The following SNTG2 variants were observed in gnomAD, a reference collection of about 807,000 sequenced individuals.
The protein encoded by SNTG2 is syntrophin gamma 2.
Under a neutral mutation model 70.9 loss-of-function variants are expected in SNTG2, and 74 were observed. The observed-to-expected ratio is 1.04, with a 90% CI of 0.86 to 1.27. The LOEUF is 1.27. SNTG2 is among the 50% of genes most tolerant of loss of function. SNTG2 has a pLI of 0.00. For synonymous variants in SNTG2, 278 were observed against 273.8 expected (o/e 1.02, Z -0.15); for missense variants, 717 against 690.7 (o/e 1.04, Z -0.43).
intron 4 of SNTG2, among the ~76,000 whole-genome samples, chr2:1,129,114 A>C (rs565380458): frequency 5.3e-5 from 8 of 152,310 alleles, no homozygotes; most frequent in African/African-American, 1.9e-4. Context: ...AAGTACCAAA[A>C]GTGAGATGAG....
intron 1 of SNTG2, among the ~76,000 whole-genome samples, chr2:1,004,456 G>C (rs567366174): frequency 6.6e-6 from 1 of 152,318 alleles, no homozygotes; most frequent in South Asian, 2.1e-4. Flanking sequence ...GATATACAAA[G>C]AACTAAAACT....
At chr2:1,238,249 C>T (rs898682776) in intron 10 of SNTG2, among the ~76,000 whole-genome samples, 1 of 152,010 alleles carries the variant, frequency 6.6e-6, no homozygotes, top group African/African-American at 2.4e-5. Context: ...GTTTTGTCTT[C>T]CTCCTCCCCT....
At chr2:1,193,190 A>C (rs775418886) in intron 8 of SNTG2, among the ~76,000 whole-genome samples, 3 of 152,198 alleles carry the variant, frequency 2.0e-5, no homozygotes, top group Non-Finnish European at 4.4e-5. Flanking sequence ...TCTGTTTCAA[A>C]GTTGCTCCTT....
At chr2:1,224,223 C>A (rs535370143) in intron 9 of SNTG2, among the ~76,000 whole-genome samples, 1 of 152,306 alleles carries the variant, frequency 6.6e-6, no homozygotes, top group East Asian at 1.9e-4. Flanking sequence ...GTTTGGGGAG[C>A]CACGTTCAAT....
At chr2:1,315,116 GT>G (rs1681211673) in intron 15 of SNTG2, among the ~76,000 whole-genome samples, 1 of 152,226 alleles carries the variant, frequency 6.6e-6, no homozygotes, top group South Asian at 2.1e-4. Flanking sequence ...GTCTGTCCAG[GT>G]GGGTGTGGGC....
At chr2:1,093,948 G>A (rs111451872) in intron 2 of SNTG2, among the ~76,000 whole-genome samples, 72 of 61,658 alleles carry the variant, frequency 1.2e-3, no homozygotes, top group Non-Finnish European at 2.2e-3. Context: ...GTCCTCATAT[G>A]GTAGAGTTAC....
intron 4 of SNTG2, among the ~76,000 whole-genome samples, chr2:1,133,329 A>G (rs1234274701): frequency 6.6e-6 from 1 of 152,256 alleles, no homozygotes; most frequent in Non-Finnish European, 1.5e-5. Flanking sequence ...AATTTTCAAG[A>G]AAACACAATT....
At chr2:1,077,204 C>G (rs1339294036) in intron 1 of SNTG2, among the ~76,000 whole-genome samples, 2 of 152,138 alleles carry the variant, frequency 1.3e-5, no homozygotes, top group African/African-American at 2.4e-5. Flanking sequence ...AGTAAAAATG[C>G]CACATTAAAA....
At chr2:1,180,473 A>C (rs1383908641) in intron 8 of SNTG2, among the ~76,000 whole-genome samples, 1 of 133,210 alleles carries the variant, frequency 7.5e-6, no homozygotes, top group Non-Finnish European at 1.6e-5. Flanking sequence ...AAAAATGCTC[A>C]TCATCACTGG....
intron 12 of SNTG2, among the ~76,000 whole-genome samples, chr2:1,250,098 C>G (rs1348031482): frequency 1.3e-5 from 2 of 152,186 alleles, no homozygotes; most frequent in Non-Finnish European, 2.9e-5. Flanking sequence ...ATCGCAGACT[C>G]CTCATTCACG....
At chr2:1,072,213 G>T (rs932718604) in intron 1 of SNTG2, among the ~76,000 whole-genome samples, 1 of 147,684 alleles carries the variant, frequency 6.8e-6, no homozygotes, top group Non-Finnish European at 1.5e-5. Context: ...TAGCTGGAGA[G>T]GAGAAGTCAG....
chr2:1,200,235 T>A (rs998165990), intron 8 of SNTG2, among the ~76,000 whole-genome samples: 1 of 151,792 alleles, frequency 6.6e-6, no homozygotes, highest in African/African-American at 2.4e-5. Flanking sequence ...CCAACTAATT[T>A]TTGACAAAGA....
At position 1,173,159 on chromosome 2, in the gene SNTG2, T is replaced by A; in HGVS notation, c.567T>A (p.His189Gln). 6.2e-7 allele frequency: 1 copy of A among 1,614,014 alleles called. No individual in the cohort carries two copies. Among genetic ancestry groups the A allele is most frequent in the African/African-American group, 1.3e-5 (1 of 75,052 alleles). The change falls in exon 8 of 17, where the codon CAT (histidine) becomes CAA (glutamine). Residue 189 changes from histidine (H) to glutamine (Q), a missense_variant. Transcript: ENST00000308624. ...CTCCCCTCTTTGACAGCGGTTTGCA[T>A]CTGAACGGAAACTCCAGTACCACAG... ...ASSPLFDSGL[H>Q]LNGNSSTTAP...
intron 8 of SNTG2, among the ~76,000 whole-genome samples, chr2:1,198,255 T>C (rs1014111023): frequency 2.0e-5 from 3 of 152,040 alleles, no homozygotes; most frequent in Non-Finnish European, 2.9e-5. Context: ...TGAACAACCA[T>C]TGGGTCAATA....
chr2:1,147,472 G>T (rs917799807), intron 6 of SNTG2, among the ~76,000 whole-genome samples: 1 of 152,186 alleles, frequency 6.6e-6, no homozygotes, highest in Non-Finnish European at 1.5e-5. Context: ...TCCCATGCTG[G>T]ATGCTTCCTG....
chr2:1,178,694 AT>A (rs1473833789), intron 8 of SNTG2, among the ~76,000 whole-genome samples: 2 of 152,074 alleles, frequency 1.3e-5, no homozygotes, highest in Admixed American at 6.5e-5. Flanking sequence ...GTGCTGCTGG[AT>A]TCAGTTTGCC....
chr2:1,057,326 G>A (rs1490549632), intron 1 of SNTG2, among the ~76,000 whole-genome samples: 1 of 152,068 alleles, frequency 6.6e-6, no homozygotes, highest in African/African-American at 2.4e-5. Context: ...AGGAGAGTTG[G>A]TGTATTAGTC....
intron 11 of SNTG2, among the ~76,000 whole-genome samples, chr2:1,243,109 T>C (rs1677155475): frequency 6.6e-6 from 1 of 152,244 alleles, no homozygotes; most frequent in South Asian, 2.1e-4. Context: ...TTCAATTACT[T>C]GTGTGATTTA....
intron 1 of SNTG2, among the ~76,000 whole-genome samples, chr2:1,067,014 C>T (rs974356343): frequency 2.0e-5 from 3 of 152,078 alleles, no homozygotes; most frequent in East Asian, 1.9e-4. Flanking sequence ...GTTGCTGTTG[C>T]GAGTTGTCTC....
Sources: allele counts gnomAD v4.1 joint callset (sites outside exome capture counted in the v4.1 genomes callset), GRCh38; gene constraint gnomAD v4.1.1; transcripts MANE v1.5; gene names NCBI Gene and HGNC (gene_info 2026-07-23, HGNC 2026-07-21).